Variants in LRRIQ3 observed in about 807,000 individuals in gnomAD.
The protein encoded by LRRIQ3 is leucine-rich repeat and IQ domain-containing protein 3.
In LRRIQ3, 75 loss-of-function variants were observed where a neutral mutation model predicts 59.3. The ratio of observed to expected loss-of-function variants is 1.26; its 90% CI spans 1.05 to 1.53. The LOEUF (loss-of-function observed/expected upper bound fraction) is 1.53, where lower values mean the gene tolerates loss of function less well. Among genes scored for constraint, LRRIQ3 ranks in the 40% most tolerant of loss-of-function variants. LRRIQ3 has a pLI of 0.00. For missense variants in LRRIQ3, 831 were observed against 710.0 expected (o/e 1.17, Z -1.94); for synonymous variants, 250 against 231.3 (o/e 1.08, Z -0.73).
intron 5 of LRRIQ3, among the ~76,000 whole-genome samples, chr1:74,098,614 C>T (rs890678127): frequency 1.3e-5 from 2 of 152,148 alleles, no homozygotes; most frequent in African/African-American, 4.8e-5. Flanking sequence ...CTTCTCAGTA[C>T]CACATCTCAC....
At chr1:74,077,423 C>T (rs1411571987) in intron 5 of LRRIQ3, among the ~76,000 whole-genome samples, 3 of 151,680 alleles carry the variant, frequency 2.0e-5, no homozygotes, top group Admixed American at 2.0e-4. Context: ...CTAGTACTTA[C>T]ACCTTTAGAT....
intron 5 of LRRIQ3, among the ~76,000 whole-genome samples, chr1:74,098,261 C>A (rs1646476538): frequency 6.6e-6 from 1 of 152,122 alleles, no homozygotes; most frequent in Non-Finnish European, 1.5e-5. Flanking sequence ...CAATCCTAAT[C>A]TCTGATAAAA....
chr1:74,126,134 T>A (rs976521506), intron 4 of LRRIQ3, among the ~76,000 whole-genome samples: 1 of 151,872 alleles, frequency 6.6e-6, no homozygotes, highest in African/African-American at 2.4e-5. Context: ...TCCAATTTAT[T>A]TGCATATAGT....
chr1:74,088,120 A>T (rs755783508), intron 5 of LRRIQ3, among the ~76,000 whole-genome samples: 3 of 151,954 alleles, frequency 2.0e-5, no homozygotes, highest in African/African-American at 7.2e-5. Flanking sequence ...CAAAACAAAA[A>T]AAAACAATTG....
At chr1:74,092,130 T>C (rs1231971738) in intron 5 of LRRIQ3, among the ~76,000 whole-genome samples, 2 of 152,060 alleles carry the variant, frequency 1.3e-5, no homozygotes, top group Admixed American at 1.3e-4. Context: ...GGCTGGAGTG[T>C]GCATGTGATG....
chr1:74,131,091 T>C (rs886358451), intron 4 of LRRIQ3, among the ~76,000 whole-genome samples: 8 of 152,186 alleles, frequency 5.3e-5, no homozygotes, highest in East Asian at 3.9e-4. Context: ...AAGAATACTA[T>C]AAACATCTCT....
At chr1:74,124,496 T>TA (rs1398925402) in intron 4 of LRRIQ3, among the ~76,000 whole-genome samples, 1 of 151,980 alleles carries the variant, frequency 6.6e-6, no homozygotes, top group African/African-American at 2.4e-5. Flanking sequence ...GTTTGAGGTA[T>TA]TAGCGTTAAG....
chr1:74,139,075 C>T (rs1647180329), intron 4 of LRRIQ3, among the ~76,000 whole-genome samples: 1 of 148,134 alleles, frequency 6.8e-6, no homozygotes, highest in South Asian at 2.1e-4. Flanking sequence ...TATATATACA[C>T]ATATATGTAT....
chr1:74,145,804 A>G (rs1349394556), intron 4 of LRRIQ3, among the ~76,000 whole-genome samples: 1 of 151,972 alleles, frequency 6.6e-6, no homozygotes, highest in Admixed American at 6.6e-5. Flanking sequence ...TTTCTCTATC[A>G]TATCTATGAA....
At chr1:74,122,270 G>A (rs1030370946) in intron 4 of LRRIQ3, among the ~76,000 whole-genome samples, 9 of 152,118 alleles carry the variant, frequency 5.9e-5, no homozygotes, top group East Asian at 3.9e-4. Flanking sequence ...TTTAATGATC[G>A]CTATTCTAAT....
At chr1:74,124,772 T>A (rs1445731120) in intron 4 of LRRIQ3, among the ~76,000 whole-genome samples, 1 of 152,024 alleles carries the variant, frequency 6.6e-6, no homozygotes, top group African/African-American at 2.4e-5. Context: ...CTCTGTAGTA[T>A]AATTTGAAGT....
intron 5 of LRRIQ3, among the ~76,000 whole-genome samples, chr1:74,090,532 C>T (rs1646383236): frequency 6.6e-6 from 1 of 151,830 alleles, no homozygotes; most frequent in South Asian, 2.1e-4. Flanking sequence ...TAGAGACATC[C>T]ATAACCAGGA....
Position 74,059,953 on chromosome 1 carries a change from CTTAAA to C in LRRIQ3, c.997+14703_997+14707del, listed in dbSNP as rs142246719. Among the ~76,000 whole-genome samples the C allele has an allele frequency of 1.9e-4, 29 of 151,928 alleles. No individual in the cohort carries two copies. The East Asian group carries it at 4.1e-3, about 21-fold the overall frequency. On this transcript the variant is annotated intron_variant, in intron 6 of 7. Transcript: ENST00000354431. ...TTGCTATTATAAATAAAATTGTATT[CTTAAA>C]TTATTTTCAAATTATTCGCTATATA...
chr1:74,048,962 C>T (rs1393789424), intron 6 of LRRIQ3, among the ~76,000 whole-genome samples: 2 of 151,940 alleles, frequency 1.3e-5, no homozygotes, highest in African/African-American at 4.8e-5. Context: ...GAAATAAATG[C>T]TCTGATAAAA....
intron 6 of LRRIQ3, among the ~76,000 whole-genome samples, chr1:74,054,739 A>AATATATATATATATATATATAT (rs143015235): frequency 1.4e-5 from 2 of 141,788 alleles, no homozygotes; most frequent in Admixed American, 1.4e-4. Context: ...AGAAAACACA[A>AATATATATATATATATATATAT]ATATATATAT....
At chr1:74,116,580 A>C (rs184431743) in intron 4 of LRRIQ3, among the ~76,000 whole-genome samples, 7 of 152,238 alleles carry the variant, frequency 4.6e-5, no homozygotes, top group Admixed American at 3.9e-4. Context: ...ACTAAAAAAT[A>C]TTAGATAATT....
chr1:74,119,168 T>G (rs1442086836), intron 4 of LRRIQ3, among the ~76,000 whole-genome samples: 1 of 152,120 alleles, frequency 6.6e-6, no homozygotes, highest in Non-Finnish European at 1.5e-5. Flanking sequence ...GTGATAGCAA[T>G]TGTCACCAGC....
At chr1:74,070,432 A>C (rs1289411036) in intron 6 of LRRIQ3, among the ~76,000 whole-genome samples, 1 of 152,046 alleles carries the variant, frequency 6.6e-6, no homozygotes, top group African/African-American at 2.4e-5. Flanking sequence ...CATCAAGTAC[A>C]TATGGATACA....
chr1:74,058,862 A>C, intron 6 of LRRIQ3, among the ~76,000 whole-genome samples: 1 of 152,226 alleles, frequency 6.6e-6, no homozygotes, highest in South Asian at 2.1e-4. Context: ...TATTAATTAC[A>C]AACAAAATAG....
Sources: allele counts gnomAD v4.1 joint callset (sites outside exome capture counted in the v4.1 genomes callset), GRCh38; gene constraint gnomAD v4.1.1; transcripts MANE v1.5; gene names NCBI Gene and HGNC (gene_info 2026-07-23, HGNC 2026-07-21).